Variants in LDB3 observed in about 807,000 individuals in gnomAD.
The protein encoded by LDB3 is LIM domain binding 3.
LDB3 carries 49 observed loss-of-function variants against 69.0 expected under a neutral mutation model. The ratio of observed to expected loss-of-function variants is 0.71; its 90% CI spans 0.56 to 0.90. The LOEUF (loss-of-function observed/expected upper bound fraction) is 0.90. Ranked by LOEUF, LDB3 falls within the 40% of genes least tolerant of loss-of-function variation. The pLI is 0.00. For missense variants in LDB3, 928 were observed against 974.1 expected, an observed-to-expected ratio of 0.95 and a Z score of 0.63; for synonymous variants, 387 against 396.2, an observed-to-expected ratio of 0.98 and a Z score of 0.28.
intron 6 of LDB3, 141 bp downstream of exon 6, chr10:86,692,206 T>G: frequency 1.0e-6 from 1 of 1,003,324 alleles, no homozygotes; most frequent in Non-Finnish European, 1.5e-6. Flanking sequence ...TGTCAGTGGC[T>G]GGCAGGGCTC....
In LDB3 at chr10:86,734,836, A is replaced by T. The variant is rs1847573465; in HGVS notation, c.*1860A>T. 1 of 152,268 alleles carries T rather than the reference A, an allele frequency of 6.6e-6. No homozygotes were observed. Among genetic ancestry groups the T allele is most frequent in the Admixed American group, 6.5e-5 (1 of 15,290 alleles). The allele number at this position is 152,268 out of a possible 1,614,324, so 9.4% of individuals were successfully genotyped here. A position where few individuals can be genotyped will look rare whatever the true frequency, so the allele number is the denominator to read the frequency against. On this transcript the variant is annotated 3_prime_UTR_variant, in exon 14 of 14. Transcript: ENST00000361373. Reference sequence around the variant, plus strand: ...TAAAATCTGCTGGGACTGCCTGGAGATTTGTCAGGAGCTGCAGACAAGTAC... The same window carrying T: ...TAAAATCTGCTGGGACTGCCTGGAGTTTTGTCAGGAGCTGCAGACAAGTAC...
At chr10:86,695,123 A>C (rs1845942572) in intron 7 of LDB3, among the ~76,000 whole-genome samples, 1 of 131,168 alleles carries the variant, frequency 7.6e-6, no homozygotes. Context: ...ATGCCCATGC[A>C]AAGGTGCTTT....
intron 7 of LDB3, among the ~76,000 whole-genome samples, chr10:86,703,730 A>G (rs952989753): frequency 2.0e-5 from 3 of 152,206 alleles, no homozygotes; most frequent in Non-Finnish European, 4.4e-5. Context: ...TTGCATTCCT[A>G]TCTAGGGCAG....
Position 86,688,105 on chromosome 10 carries a change from T to C in LDB3, c.690-3791T>C, listed in dbSNP as rs1845592467. On this transcript the variant is annotated intron_variant, in intron 5 of 13. Transcript: ENST00000361373. ...TGTGTATGTGTCTGTCTATCTGTTGTTTCTTTTTTACACACATACACATAA... is the reference window on the plus strand; with the variant it reads ...TGTGTATGTGTCTGTCTATCTGTTGCTTCTTTTTTACACACATACACATAA... Among the ~76,000 whole-genome samples the C allele has an allele frequency of 3.4e-5, 5 of 145,260 alleles. No individual in the cohort carries two copies. The South Asian group carries it at 1.1e-3, about 33-fold the overall frequency.
intron 7 of LDB3, among the ~76,000 whole-genome samples, chr10:86,702,873 G>A (rs1415515489): frequency 6.6e-6 from 1 of 152,188 alleles, no homozygotes; most frequent in Non-Finnish European, 1.5e-5. Flanking sequence ...GTGCTAGAGA[G>A]GATGCTACTC....
At chr10:86,709,234 T>G (rs1846549846) in intron 8 of LDB3, among the ~76,000 whole-genome samples, 1 of 152,096 alleles carries the variant, frequency 6.6e-6, no homozygotes, top group African/African-American at 2.4e-5. Context: ...CTCCTGAGGG[T>G]AATGAACTAG....
chr10:86,674,307 G>C (rs1182226492), intron 2 of LDB3, among the ~76,000 whole-genome samples: 1 of 152,148 alleles, frequency 6.6e-6, no homozygotes, highest in Non-Finnish European at 1.5e-5. Flanking sequence ...GGAGGGCTTG[G>C]AGGCTGGCAC....
At chr10:86,703,436 G>A (rs556079414) in intron 7 of LDB3, among the ~76,000 whole-genome samples, 37 of 152,238 alleles carry the variant, frequency 2.4e-4, no homozygotes, top group Admixed American at 9.8e-4. Flanking sequence ...CACGGCTGCA[G>A]GCCTGCAAGC....
chr10:86,727,115 G>C (rs554888542), intron 13 of LDB3, among the ~76,000 whole-genome samples: 75 of 151,862 alleles, frequency 4.9e-4, no homozygotes, highest in Non-Finnish European at 8.5e-4. Flanking sequence ...CTGCCTCCTG[G>C]GTTCAAGCGA....
chr10:86,688,389 C>A (rs1444461600), intron 5 of LDB3, among the ~76,000 whole-genome samples: 1 of 152,148 alleles, frequency 6.6e-6, no homozygotes, highest in Non-Finnish European at 1.5e-5. Flanking sequence ...TTATAAAGGG[C>A]AGGCTCCCCA....
rs566782355 is a variant in LDB3 at position 86,688,290 on chromosome 10, A to G, written c.690-3606A>G. ...AAGCCAGAAAAACCGATGTAATAAGAGGGATGGAGGGATTAAAAAGTCCCA... is the reference window on the plus strand; with the variant it reads ...AAGCCAGAAAAACCGATGTAATAAGGGGGATGGAGGGATTAAAAAGTCCCA... On this transcript the variant is annotated intron_variant, in intron 5 of 13. Transcript: ENST00000361373. Among the ~76,000 whole-genome samples, 65 of 152,252 alleles carry G rather than the reference A, an allele frequency of 4.3e-4. 1 individual carries two copies. The highest frequency in any genetic ancestry group is 3.4e-3 in the Middle Eastern group (1 of 294).
At chr10:86,677,122 TA>T (rs1460033205) in intron 2 of LDB3, among the ~76,000 whole-genome samples, 1 of 152,166 alleles carries the variant, frequency 6.6e-6, no homozygotes, top group Admixed American at 6.5e-5. Context: ...CCACAGCTTG[TA>T]GGGGGTGGGG....
rs1487699976 is a variant in LDB3, at chr10:86,735,262, A to G, written c.*2286A>G. ...AAGACAAAACTAGCAAAAAAAAAAC[A>G]AAAAAACAAAAAAAAAACCACTTAA... On this transcript the variant is annotated 3_prime_UTR_variant, in exon 14 of 14. Transcript: ENST00000361373. 2 of 149,796 alleles carry G rather than the reference A, an allele frequency of 1.3e-5. No homozygotes were observed. The highest frequency in any genetic ancestry group is 3.0e-5 in the Non-Finnish European group (2 of 67,420). 9.3% of individuals were successfully genotyped at this position (149,796 alleles called of 1,614,324 possible).
intron 13 of LDB3, among the ~76,000 whole-genome samples, chr10:86,729,909 C>T (rs541778820): frequency 1.3e-5 from 2 of 152,312 alleles, no homozygotes; most frequent in South Asian, 4.1e-4. Flanking sequence ...GACAGGCTGA[C>T]TCATTCCAGA....
At chr10:86,710,916 T>A (rs140570577) in intron 9 of LDB3, among the ~76,000 whole-genome samples, 74 of 152,344 alleles carry the variant, frequency 4.9e-4, no homozygotes, top group African/African-American at 1.7e-3. Flanking sequence ...CATGGACACC[T>A]TGTGTTCTGG....
Position 86,699,511 on chromosome 10 carries a change from C to A in LDB3, c.896+6940C>A. 6.6e-7 allele frequency: 1 copy of A among 1,524,860 alleles called. No homozygotes were observed. The highest frequency in any genetic ancestry group is 1.2e-5 in the South Asian group (1 of 82,272). 94.5% of individuals were successfully genotyped at this position (1,524,860 alleles called of 1,614,324 possible). On this transcript the variant is annotated intron_variant, in intron 7 of 13. Transcript: ENST00000361373. This position sits in a 1 kb window ranked among gnomAD's most constrained non-coding sequence, Gnocchi z 4.9. ...TGGGGGCACCTCTGATGGCCAACCG[C>A]AGCATTTCTGTCCTCTGCCCACCCC...
intron 8 of LDB3, among the ~76,000 whole-genome samples, chr10:86,708,607 C>T (rs913456449): frequency 6.6e-6 from 1 of 152,188 alleles, no homozygotes; most frequent in African/African-American, 2.4e-5. Flanking sequence ...ATGGAGACCC[C>T]TACTCTGCTG....
chr10:86,689,037 G>A (rs947025020), intron 5 of LDB3, among the ~76,000 whole-genome samples: 6 of 84,218 alleles, frequency 7.1e-5, no homozygotes, highest in Non-Finnish European at 1.6e-4. Context: ...CCATGCTGTG[G>A]TGCCAGTGAG....
chr10:86,726,462 T>A (rs1170580411), intron 13 of LDB3: 1 of 599,458 alleles, frequency 1.7e-6, no homozygotes, highest in Non-Finnish European at 3.0e-6. Flanking sequence ...TGTGGCTTTG[T>A]TACTTTCCAT....
Sources: gnomAD v4.1 joint callset for allele counts (sites outside exome capture counted in the v4.1 genomes callset) on GRCh38, gnomAD v4.1.1 for gene constraint, Gnocchi (gnomAD v3.1) non-coding constraint, MANE v1.5 for transcripts, NCBI Gene and HGNC (gene_info 2026-07-23, HGNC 2026-07-21) for gene names.